The following KCNJ6 variants were observed in gnomAD, a reference collection of about 807,000 sequenced individuals.
KCNJ6 encodes potassium inwardly rectifying channel subfamily J member 6.
In KCNJ6, 9 loss-of-function variants were observed where a neutral mutation model predicts 34.2. The ratio of observed to expected loss-of-function variants is 0.26; its 90% confidence interval spans 0.16 to 0.46. KCNJ6 has a LOEUF of 0.46. KCNJ6 is among the 20% of genes least tolerant of loss of function. KCNJ6 has a pLI of 1.00. For synonymous variants in KCNJ6, 196 were observed against 207.1 expected (o/e 0.95, Z 0.46); for missense variants, 236 against 531.3 (o/e 0.44, Z 5.46).
rs374930161 is a variant in KCNJ6, at chr21:37,675,856, T to C, written c.946+38355A>G. ...AAGCCAGACCCCTGACCCCAACCCA[T>C]GTCAATAGCGGGGGTGGGGGTGGGG... On this transcript the variant is annotated intron_variant, in intron 3 of 3. Coordinates refer to ENST00000609713, the MANE Select transcript of KCNJ6 (RefSeq NM_002240.5). The surrounding 1 kb of genome is among the most constrained non-coding windows in gnomAD (Gnocchi z 4.2). 3.7e-4 allele frequency among the ~76,000 whole-genome samples: 55 copies of C among 147,502 alleles called. No individual in the cohort carries two copies. Among genetic ancestry groups the C allele is most frequent in the African/African-American group, 1.3e-3 (53 of 40,690 alleles).
At chr21:37,914,812 T>C (rs867584291) in intron 1 of KCNJ6, among the ~76,000 whole-genome samples, 66 of 152,176 alleles carry the variant, frequency 4.3e-4, no homozygotes, top group African/African-American at 1.6e-3. Context: ...CATTGCTCCC[T>C]GTACCGTAGG....
At chr21:37,740,496 C>G (rs1392366627) in intron 2 of KCNJ6, among the ~76,000 whole-genome samples, 1 of 152,192 alleles carries the variant, frequency 6.6e-6, no homozygotes, top group Non-Finnish European at 1.5e-5. Context: ...TAAACTGGAA[C>G]TAACAACCCC....
At chr21:37,813,872 G>A (rs1408744476) in intron 2 of KCNJ6, among the ~76,000 whole-genome samples, 1 of 152,084 alleles carries the variant, frequency 6.6e-6, no homozygotes, top group African/African-American at 2.4e-5. Flanking sequence ...TACCCTACAA[G>A]CATGGGCAAC....
At chr21:37,887,741 A>G (rs1022475633) in intron 1 of KCNJ6, among the ~76,000 whole-genome samples, 3 of 152,236 alleles carry the variant, frequency 2.0e-5, no homozygotes, top group Admixed American at 6.5e-5. Flanking sequence ...GGTGATCTGG[A>G]GAGGGATCTG....
intron 2 of KCNJ6, among the ~76,000 whole-genome samples, chr21:37,821,728 T>C (rs1279152840): frequency 6.6e-6 from 1 of 152,242 alleles, no homozygotes; most frequent in Non-Finnish European, 1.5e-5. Context: ...GTATTGTATA[T>C]GGTTATAGGA....
chr21:37,659,424 C>A (rs1319247193), intron 3 of KCNJ6, among the ~76,000 whole-genome samples: 1 of 152,232 alleles, frequency 6.6e-6, no homozygotes, highest in Non-Finnish European at 1.5e-5. Context: ...TCACACATGG[C>A]AGGTCCTTTG....
intron 2 of KCNJ6, among the ~76,000 whole-genome samples, chr21:37,763,535 G>A (rs1321829649): frequency 6.6e-6 from 1 of 152,122 alleles, no homozygotes; most frequent in Non-Finnish European, 1.5e-5. Flanking sequence ...AGACTTTCCT[G>A]CCCACTGAGT....
chr21:37,644,396 AC>A (rs1173288635), intron 3 of KCNJ6, among the ~76,000 whole-genome samples: 1 of 152,194 alleles, frequency 6.6e-6, no homozygotes, highest in Non-Finnish European at 1.5e-5. Flanking sequence ...AAAAAGGAGA[AC>A]TTTTACTGAT....
At chr21:37,756,939 A>C (rs868840827) in intron 2 of KCNJ6, among the ~76,000 whole-genome samples, 7 of 4,438 alleles carry the variant, frequency 1.6e-3, no homozygotes, top group Admixed American at 6.2e-3. Context: ...TCCCTCACAG[A>C]TTCCAGCCCA....
intron 3 of KCNJ6, among the ~76,000 whole-genome samples, chr21:37,637,197 G>T (rs2054361823): frequency 6.6e-6 from 1 of 152,326 alleles, no homozygotes; most frequent in South Asian, 2.1e-4. Flanking sequence ...AAAGAAGCAG[G>T]ATAGTGTGAT....
chr21:37,770,447 G>A (rs751296271), intron 2 of KCNJ6, among the ~76,000 whole-genome samples: 5 of 152,088 alleles, frequency 3.3e-5, no homozygotes, highest in Admixed American at 1.3e-4. Context: ...TACCACTTGA[G>A]GTGATTGATC....
At chr21:37,872,939 A>G (rs557795605) in intron 1 of KCNJ6, among the ~76,000 whole-genome samples, 1 of 152,272 alleles carries the variant, frequency 6.6e-6, no homozygotes, top group South Asian at 2.1e-4. Flanking sequence ...AACTGTGAAG[A>G]GGTGCCTTCC....
chr21:37,715,172 G>T (rs11701696), intron 2 of KCNJ6, 41 bp from the exon 3 acceptor site: 4 of 1,537,566 alleles, frequency 2.6e-6, no homozygotes, highest in Admixed American at 3.9e-5. Flanking sequence ...TGAATGAAAG[G>T]CTGGCTCTTT....
At chr21:37,875,450 G>GT (rs937498115) in intron 1 of KCNJ6, among the ~76,000 whole-genome samples, 29 of 152,098 alleles carry the variant, frequency 1.9e-4, no homozygotes, top group African/African-American at 7.0e-4. Flanking sequence ...AGAGCCAGAG[G>GT]TGGGGACAGA....
At chr21:37,786,025 C>T (rs896876213) in intron 2 of KCNJ6, among the ~76,000 whole-genome samples, 1 of 152,208 alleles carries the variant, frequency 6.6e-6, no homozygotes, top group South Asian at 2.1e-4. Context: ...GTGGTTTATC[C>T]GTCCCCCAGT....
intron 2 of KCNJ6, among the ~76,000 whole-genome samples, chr21:37,723,593 A>C (rs2123460728): frequency 6.6e-6 from 1 of 152,250 alleles, no homozygotes; most frequent in East Asian, 1.9e-4. Flanking sequence ...ACAGCCATGA[A>C]AAGAATGAAA....
chr21:37,891,937 G>A (rs1423374248), intron 1 of KCNJ6, among the ~76,000 whole-genome samples: 1 of 152,068 alleles, frequency 6.6e-6, no homozygotes, highest in Non-Finnish European at 1.5e-5. Flanking sequence ...GGATGGTGGG[G>A]GTGGAGACAC....
In KCNJ6 at chr21:37,695,593, G is replaced by C. The variant is rs1484083828; in HGVS notation, c.946+18618C>G. On this transcript the variant is annotated intron_variant, in intron 3 of 3. Transcript: ENST00000609713. This position sits in a 1 kb window ranked among gnomAD's most constrained non-coding sequence, Gnocchi z 4.2. ...CAGATCAACATGCTGGTAAGTATTG[G>C]AGTGAGGAGCTTGGGATTTCTCCCT... is the stretch of plus-strand genomic sequence containing the variant. Among the ~76,000 whole-genome samples the C allele has an allele frequency of 6.6e-6, 1 of 152,210 alleles. No homozygotes were observed. Among genetic ancestry groups the C allele is most frequent in the Non-Finnish European group, 1.5e-5 (1 of 68,042 alleles).
intron 3 of KCNJ6, among the ~76,000 whole-genome samples, chr21:37,643,545 A>G (rs1264918149): frequency 6.6e-6 from 1 of 152,166 alleles, no homozygotes; most frequent in Non-Finnish European, 1.5e-5. Flanking sequence ...TGGAGGGGCC[A>G]GGGAGTTGCT....
Sources: gnomAD v4.1 joint callset for allele counts (sites outside exome capture counted in the v4.1 genomes callset) on GRCh38, gnomAD v4.1.1 for gene constraint, Gnocchi (gnomAD v3.1) non-coding constraint, MANE v1.5 for transcripts, NCBI Gene and HGNC (gene_info 2026-07-23, HGNC 2026-07-21) for gene names.